TMEM132D: variants seen among roughly 807,000 people sequenced by gnomAD.
TMEM132D encodes mature OL transmembrane protein.
Under a neutral mutation model 62.3 loss-of-function variants are expected in TMEM132D, and 21 were observed. The observed-to-expected ratio is 0.34, with a 90% CI of 0.24 to 0.49. TMEM132D has a LOEUF of 0.49. Among genes scored for constraint, TMEM132D ranks in the 20% least tolerant of loss-of-function variants. TMEM132D has a pLI of 0.99. For missense variants in TMEM132D, 1,346 were observed against 1,402.8 expected, an observed-to-expected ratio of 0.96 and a Z score of 0.65; for synonymous variants, 621 against 575.6, an observed-to-expected ratio of 1.08 and a Z score of -1.13.
At chr12:129,720,217 C>T (rs1868770576) in intron 1 of TMEM132D, among the ~76,000 whole-genome samples, 2 of 152,168 alleles carry the variant, frequency 1.3e-5, no homozygotes, top group Admixed American at 1.3e-4. Flanking sequence ...TGGAGTGACA[C>T]AGCAACATTC....
rs71301340 is a variant in TMEM132D at position 129,605,587 on chromosome 12, T to TTATATATA, written c.969-74390_969-74383dup. ...TTAAATTATTATGGGAAATTAGGCA[T>TTATATATA]TATATATATATATATATACACACAC... On this transcript the variant is annotated intron_variant, in intron 2 of 8. Coordinates refer to ENST00000422113, the MANE Select transcript of TMEM132D (RefSeq NM_133448.3). 9.3e-3 allele frequency among the ~76,000 whole-genome samples: 1,001 copies of TTATATATA among 107,296 alleles called. 41 individuals are homozygous for TTATATATA. Among genetic ancestry groups the TTATATATA allele is most frequent in the African/African-American group, 0.027 (707 of 25,712 alleles). 70.4% of individuals were successfully genotyped at this position (107,296 alleles called of 152,430 possible). A position where few individuals can be genotyped will look rare whatever the true frequency, so the allele number is the denominator to read the frequency against.
intron 5 of TMEM132D, among the ~76,000 whole-genome samples, chr12:129,176,613 G>A (rs543898257): frequency 3.9e-5 from 6 of 152,300 alleles, no homozygotes; most frequent in African/African-American, 1.2e-4. Flanking sequence ...GATGGCTCTC[G>A]CTACCACACA....
chr12:129,125,792 C>T (rs1876195882), intron 5 of TMEM132D, among the ~76,000 whole-genome samples: 1 of 152,098 alleles, frequency 6.6e-6, no homozygotes. Flanking sequence ...TCTAAATACT[C>T]ACTCTTGACT....
chr12:129,664,435 T>TTTC (rs2137194527), intron 2 of TMEM132D, among the ~76,000 whole-genome samples: 1 of 149,956 alleles, frequency 6.7e-6, no homozygotes, highest in South Asian at 2.2e-4. Flanking sequence ...TTTTTTTTTT[T>TTTC]TTTTTTTGAG....
At chr12:129,335,821 C>CT (rs1869253031) in intron 4 of TMEM132D, among the ~76,000 whole-genome samples, 1 of 152,180 alleles carries the variant, frequency 6.6e-6, no homozygotes, top group African/African-American at 2.4e-5. Context: ...GGCTATATAA[C>CT]TAAGTTTTGG....
At chr12:129,581,512 G>A (rs1877862784) in intron 2 of TMEM132D, among the ~76,000 whole-genome samples, 1 of 152,210 alleles carries the variant, frequency 6.6e-6, no homozygotes, top group African/African-American at 2.4e-5. Context: ...GTGGCCAAAG[G>A]CCTGAGAGCC....
chr12:129,717,068 G>A (rs369703382), intron 1 of TMEM132D, among the ~76,000 whole-genome samples: 17 of 152,190 alleles, frequency 1.1e-4, no homozygotes, highest in South Asian at 4.1e-4. Flanking sequence ...GTCTCATGGC[G>A]ACCAGCACAG....
intron 3 of TMEM132D, among the ~76,000 whole-genome samples, chr12:129,404,500 A>G (rs1871717214): frequency 6.6e-6 from 1 of 152,160 alleles, no homozygotes; most frequent in Non-Finnish European, 1.5e-5. Flanking sequence ...CCCGGCCAAG[A>G]CTGGGTAATT....
At chr12:129,408,838 C>T (rs1042931427) in intron 3 of TMEM132D, among the ~76,000 whole-genome samples, 1 of 152,192 alleles carries the variant, frequency 6.6e-6, no homozygotes, top group Non-Finnish European at 1.5e-5. Context: ...TTATCTACCA[C>T]ACTTAGGTAA....
At chr12:129,141,983 A>G (rs921524784) in intron 5 of TMEM132D, among the ~76,000 whole-genome samples, 5 of 148,406 alleles carry the variant, frequency 3.4e-5, no homozygotes, top group East Asian at 1.9e-4. Context: ...AAAGTATTAG[A>G]TAATATATAA....
intron 1 of TMEM132D, among the ~76,000 whole-genome samples, chr12:129,902,386 G>C (rs1875389768): frequency 2.0e-5 from 3 of 152,226 alleles, no homozygotes; most frequent in East Asian, 1.9e-4. Context: ...AGGGGCACGG[G>C]TGGGGGAACC....
chr12:129,169,376 C>G (rs1877657853), intron 5 of TMEM132D, among the ~76,000 whole-genome samples: 2 of 152,174 alleles, frequency 1.3e-5, no homozygotes, highest in African/African-American at 2.4e-5. Flanking sequence ...GATGTTGTGG[C>G]TGGAGCTATG....
At chr12:129,347,426 T>G (rs2135665748) in intron 3 of TMEM132D, among the ~76,000 whole-genome samples, 1 of 152,258 alleles carries the variant, frequency 6.6e-6, no homozygotes, top group South Asian at 2.1e-4. Context: ...CCATCTGATC[T>G]TCAACACACC....
intron 3 of TMEM132D, among the ~76,000 whole-genome samples, chr12:129,442,843 T>A (rs2135722070): frequency 6.6e-6 from 1 of 152,250 alleles, no homozygotes; most frequent in Non-Finnish European, 1.5e-5. Context: ...CATCTTGGTG[T>A]CTGCAAGAGG....
chr12:129,087,117 TG>T (rs1874645374), intron 5 of TMEM132D, among the ~76,000 whole-genome samples: 1 of 152,166 alleles, frequency 6.6e-6, no homozygotes, highest in African/African-American at 2.4e-5. Context: ...TTTCTATCTT[TG>T]ACCATCCTCT....
At chr12:129,524,912 AT>A (rs1298314742) in intron 3 of TMEM132D, among the ~76,000 whole-genome samples, 10 of 117,638 alleles carry the variant, frequency 8.5e-5, no homozygotes, top group Admixed American at 3.3e-4. Context: ...TTATTTTCAT[AT>A]TTTTTTCTTT....
At chr12:129,204,556 G>A (rs1340681474) in intron 5 of TMEM132D, among the ~76,000 whole-genome samples, 1 of 152,158 alleles carries the variant, frequency 6.6e-6, no homozygotes, top group African/African-American at 2.4e-5. Context: ...CAACTCACTG[G>A]TATCCCTGAA....
intron 1 of TMEM132D, among the ~76,000 whole-genome samples, chr12:129,873,070 T>C (rs1189665580): frequency 6.6e-6 from 1 of 151,966 alleles, no homozygotes; most frequent in Non-Finnish European, 1.5e-5. Context: ...GCGCCTGGAG[T>C]CTGATAGACC....
intron 4 of TMEM132D, among the ~76,000 whole-genome samples, chr12:129,306,295 T>C (rs1881844845): frequency 1.3e-5 from 2 of 152,314 alleles, no homozygotes; most frequent in South Asian, 4.1e-4. Context: ...GATGAAGAAA[T>C]TCAAAAGAAA....
Sources: allele counts gnomAD v4.1 joint callset (sites outside exome capture counted in the v4.1 genomes callset), GRCh38; gene constraint gnomAD v4.1.1; transcripts MANE v1.5; gene names NCBI Gene and HGNC (gene_info 2026-07-23, HGNC 2026-07-21).